The following DENND1A variants were observed in gnomAD, a reference collection of about 807,000 sequenced individuals.
The protein encoded by DENND1A is DENN domain-containing protein 1A.
A neutral mutation model predicts 113.7 loss-of-function variants in DENND1A; 51 were observed. That is an observed-to-expected ratio of 0.45 (90% confidence interval 0.36 to 0.57). The LOEUF is 0.57. Ranked by LOEUF, DENND1A falls within the 20% of genes least tolerant of loss-of-function variation. DENND1A has a pLI of 0.00. For missense variants in DENND1A, 1,258 were observed against 1,395.9 expected (o/e 0.90, Z 1.57); for synonymous variants, 565 against 570.8 (o/e 0.99, Z 0.14).
At chr9:123,816,385 T>C (rs1837488949) in intron 2 of DENND1A, among the ~76,000 whole-genome samples, 1 of 152,210 alleles carries the variant, frequency 6.6e-6, no homozygotes, top group Admixed American at 6.5e-5. Context: ...CTCAGGTTTG[T>C]ATGATTCCAA....
intron 5 of DENND1A, among the ~76,000 whole-genome samples, chr9:123,712,883 T>C (rs2066724487): frequency 6.6e-6 from 1 of 152,238 alleles, no homozygotes; most frequent in Non-Finnish European, 1.5e-5. Context: ...CAGAAAGTTC[T>C]ACCTAAATAC....
At position 123,803,341 on chromosome 9, in the gene DENND1A, T is replaced by C. The variant is rs146754896; in HGVS notation, c.89-10711A>G. ...AGTGAGCTTTAATGCAACTCAGTAA[T>C]TATAACACATTTTCCTTCATTCATT... On this transcript the variant is annotated intron_variant, in intron 2 of 23. Coordinates refer to ENST00000394215, the MANE Select transcript of DENND1A (RefSeq NM_001352964.2). Among the ~76,000 whole-genome samples the C allele has an allele frequency of 6.6e-5, 10 of 152,302 alleles. No individual in the cohort carries two copies. In the East Asian group the frequency reaches 1.9e-3, roughly 29 times the overall value.
intron 8 of DENND1A, among the ~76,000 whole-genome samples, chr9:123,661,926 T>C (rs1006652199): frequency 6.6e-6 from 1 of 152,086 alleles, no homozygotes; most frequent in African/African-American, 2.4e-5. Context: ...TTTAACATTC[T>C]ATCATAGAGG....
At chr9:123,864,966 G>C (rs1331071163) in intron 2 of DENND1A, among the ~76,000 whole-genome samples, 2 of 152,112 alleles carry the variant, frequency 1.3e-5, no homozygotes, top group African/African-American at 4.8e-5. Flanking sequence ...TCTTGGAGCT[G>C]ATATTCTTAG....
intron 2 of DENND1A, among the ~76,000 whole-genome samples, chr9:123,875,486 T>C (rs1480717810): frequency 2.0e-5 from 3 of 152,206 alleles, no homozygotes; most frequent in Admixed American, 6.5e-5. Context: ...CAGGTTCATA[T>C]TGTGTTTTTG....
At chr9:123,803,859 C>A (rs1835096406) in intron 2 of DENND1A, among the ~76,000 whole-genome samples, 1 of 152,228 alleles carries the variant, frequency 6.6e-6, no homozygotes, top group African/African-American at 2.4e-5. Context: ...CTCTCTTGGA[C>A]CCATGACAAC....
At chr9:123,627,076 G>A (rs1373762835) in intron 10 of DENND1A, among the ~76,000 whole-genome samples, 1 of 152,218 alleles carries the variant, frequency 6.6e-6, no homozygotes, top group Non-Finnish European at 1.5e-5. Flanking sequence ...CCCTGAGCCT[G>A]TGCATGGTGG....
chr9:123,430,880 T>C (rs1033727348), intron 19 of DENND1A, among the ~76,000 whole-genome samples: 1 of 152,094 alleles, frequency 6.6e-6, no homozygotes, highest in African/African-American at 2.4e-5. Context: ...TGTGCACCTA[T>C]ATAGTCCCAG....
At chr9:123,610,116 C>A (rs2060346568) in intron 10 of DENND1A, among the ~76,000 whole-genome samples, 1 of 152,166 alleles carries the variant, frequency 6.6e-6, no homozygotes, top group Non-Finnish European at 1.5e-5. Flanking sequence ...CACGGAGCCA[C>A]GGGTTGCCTA....
Position 123,666,973 on chromosome 9 carries a change from C to T in DENND1A, c.507+53G>A. The T allele has an allele frequency of 4.1e-6, 6 of 1,454,142 alleles. No homozygotes were observed. The South Asian group carries it at 5.4e-5, about 13-fold the overall frequency. The allele number at this position is 1,454,142 out of a possible 1,614,324, so 90.1% of individuals were successfully genotyped here. A position where few individuals can be genotyped will look rare whatever the true frequency, so the allele number is the denominator to read the frequency against. The stretch of plus-strand genomic sequence containing the variant: ...TCCTTTATTTATTCAAACAAATAGG[C>T]AGAAAACAGAGAAGAATAAAAATTT... On this transcript the variant is annotated intron_variant, in intron 8 of 23. Coordinates refer to ENST00000394215, the MANE Select transcript of DENND1A (RefSeq NM_001352964.2).
chr9:123,829,913 AT>A (rs1413261853), intron 2 of DENND1A, among the ~76,000 whole-genome samples: 5 of 152,208 alleles, frequency 3.3e-5, no homozygotes, highest in Non-Finnish European at 2.9e-5. Flanking sequence ...AAGAAAGGAA[AT>A]TTATCCCTCA....
chr9:123,419,845 T>C (rs1343940460), intron 19 of DENND1A, among the ~76,000 whole-genome samples: 4 of 152,244 alleles, frequency 2.6e-5, no homozygotes, highest in Non-Finnish European at 4.4e-5. Context: ...CGATCCTCTC[T>C]GTCCGCCCTG....
intron 12 of DENND1A, among the ~76,000 whole-genome samples, chr9:123,575,794 C>A (rs1341451682): frequency 6.6e-6 from 1 of 152,180 alleles, no homozygotes; most frequent in East Asian, 1.9e-4. Context: ...CCCCCCAACT[C>A]TCTTTTGATC....
Position 123,382,394 on chromosome 9 carries a change from G to A in DENND1A, c.2251C>T (p.Pro751Ser). 1 of 1,598,772 alleles carries A rather than the reference G, an allele frequency of 6.3e-7. No homozygotes were observed. Among genetic ancestry groups the A allele is most frequent in the Non-Finnish European group, 8.5e-7 (1 of 1,172,372 alleles). ...ILNPSDKEEV[P>S]TPTLGSITIP... ...GTGATGCTGCCCAGAGTAGGGGTGG[G>A]CACCTCCTCCTTGTCACTGGGGTTC... Residue 751 changes from proline (P) to serine (S), a missense_variant, in exon 24 of 24, where the codon CCC (proline) becomes TCC (serine). Pro to Ser is a moderately conservative substitution (Grantham distance 74, BLOSUM62 -1). Transcript: ENST00000394215.
chr9:123,670,349 C>T (rs186000523), intron 7 of DENND1A, among the ~76,000 whole-genome samples: 6 of 152,280 alleles, frequency 3.9e-5, no homozygotes, highest in Admixed American at 3.9e-4. Flanking sequence ...CAAAGTATGT[C>T]CATCTGAGAA....
chr9:123,455,961 CT>C (rs764267094), intron 15 of DENND1A, among the ~76,000 whole-genome samples: 1 of 152,244 alleles, frequency 6.6e-6, no homozygotes, highest in Non-Finnish European at 1.5e-5. Context: ...TTCTGATTGT[CT>C]TTAGTCATGC....
intron 1 of DENND1A, among the ~76,000 whole-genome samples, chr9:123,905,270 C>T (rs1852567082): frequency 6.6e-6 from 1 of 151,742 alleles, no homozygotes; most frequent in African/African-American, 2.4e-5. Context: ...ATGTAAAGAC[C>T]ATCGAGACTA....
chr9:123,761,920 T>A (rs1161976740), intron 4 of DENND1A, among the ~76,000 whole-genome samples: 2 of 152,172 alleles, frequency 1.3e-5, no homozygotes, highest in African/African-American at 4.8e-5. Flanking sequence ...TACCTCAGCA[T>A]CCATAATTTC....
chr9:123,882,809 T>C (rs1020290716), intron 1 of DENND1A, among the ~76,000 whole-genome samples: 1 of 152,224 alleles, frequency 6.6e-6, no homozygotes, highest in Non-Finnish European at 1.5e-5. Flanking sequence ...CCCCACAATA[T>C]GAATACACAT....
Sources: allele counts gnomAD v4.1 joint callset (sites outside exome capture counted in the v4.1 genomes callset), GRCh38; gene constraint gnomAD v4.1.1; transcripts MANE v1.5; gene names NCBI Gene and HGNC (gene_info 2026-07-23, HGNC 2026-07-21).